The following PPL variants were observed in gnomAD, a reference collection of about 807,000 sequenced individuals.
PPL encodes the protein 190 kDa paraneoplastic pemphigus antigen.
A neutral mutation model predicts 194.4 loss-of-function variants in PPL; 198 were observed. The observed-to-expected ratio is 1.02, with a 90% CI of 0.91 to 1.15. PPL has a LOEUF of 1.15. Among genes scored for constraint, PPL ranks in the 50% most tolerant of loss-of-function variants. PPL has a pLI of 0.00. For synonymous variants in PPL, 1,220 were observed against 972.4 expected (o/e 1.25, Z -4.74); for missense variants, 2,885 against 2,294.8 (o/e 1.26, Z -5.25).
intron 14 of PPL, 196 bp downstream of exon 14, chr16:4,893,017 C>T (rs1048422981): frequency 1.6e-6 from 1 of 629,166 alleles, no homozygotes; most frequent in Non-Finnish European, 2.5e-6. Flanking sequence ...CCTGCCAGCT[C>T]TTTCTCCTGG....
At chr16:4,903,101 T>G (rs1412558453) in intron 3 of PPL, among the ~76,000 whole-genome samples, 1 of 152,194 alleles carries the variant, frequency 6.6e-6, no homozygotes, top group Non-Finnish European at 1.5e-5. Flanking sequence ...TTCTGGAGTC[T>G]GCCATCCAGC....
At chr16:4,927,619 A>G (rs2089176052) in intron 1 of PPL, among the ~76,000 whole-genome samples, 2 of 152,388 alleles carry the variant, frequency 1.3e-5, no homozygotes, top group South Asian at 4.1e-4. Context: ...TGGTCAATTG[A>G]CTGATTCTCT....
chr16:4,908,491 T>C (rs2088749988), intron 2 of PPL, among the ~76,000 whole-genome samples: 1 of 152,020 alleles, frequency 6.6e-6, no homozygotes. Flanking sequence ...AATATGTTAA[T>C]AGTCAGTAGA....
At position 4,895,354 on chromosome 16, in the gene PPL, C is replaced by CT. The variant is rs762320957; in HGVS notation, c.1148dup (p.Arg384AlafsTer26). 1 of 1,613,476 alleles carries CT rather than the reference C, an allele frequency of 6.2e-7. No homozygotes were observed. The highest frequency in any genetic ancestry group is 2.2e-5 in the East Asian group (1 of 44,884). ...TGAGGGGCACCACCTGCTGGCCTCG[C>CT]TTCTGCAGCCCCTGCACCACGTCCT... On this transcript the variant is annotated frameshift_variant, in exon 11 of 22. Transcript: ENST00000345988. LOFTEE classifies it high-confidence loss of function.
At chr16:4,888,656 G>C (rs1596545201) in intron 19 of PPL, 1 of 375,042 alleles carries the variant, frequency 2.7e-6, no homozygotes, top group East Asian at 4.4e-5. Context: ...GTCCTTTCCA[G>C]CGTACTAGTT....
In PPL at chr16:4,886,035, C is replaced by T. The variant is rs2088214648; in HGVS notation, c.2620G>A (p.Glu874Lys). 6.2e-7 allele frequency: 1 copy of T among 1,614,004 alleles called. No homozygotes were observed. The highest frequency in any genetic ancestry group is 8.5e-7 in the Non-Finnish European group (1 of 1,180,038). Reference protein sequence around the residue: ...LNLLRQQPEVEVTHETLQRNR... With the variant: ...LNLLRQQPEVKVTHETLQRNR... ...CTTTGCAGGGTCTCATGGGTCACTT[C>T]TACTTCCGGCTGCTGTGATGGAGAA... Residue 874 changes from glutamate (E) to lysine (K), a missense_variant, in exon 22 of 22, where the codon GAA (glutamate) becomes AAA (lysine). Coordinates refer to ENST00000345988, the MANE Select transcript of PPL (RefSeq NM_002705.5).
Position 4,903,982 on chromosome 16 carries a change from T to G in PPL, c.221A>C (p.Lys74Thr), listed in dbSNP as rs773091381. Residue 74 changes from lysine (K) to threonine (T), a missense_variant, in exon 3 of 22, where the codon AAG (lysine) becomes ACG (threonine). Physicochemically the swap from Lys to Thr is moderately conservative, Grantham distance 78 (BLOSUM62 -1). Transcript: ENST00000345988. The part of the protein sequence containing the change: ...QPEHRDVTLQ[K>T]VLDSEKLLYV... ...GAGCAGCTTCTCAGAGTCCAACACC[T>G]TCTGCAGGGTCACGTCCCGGTGCTC... is the stretch of plus-strand genomic sequence containing the variant. 3 of 1,613,790 alleles carry G rather than the reference T, an allele frequency of 1.9e-6. No individual in the cohort carries two copies. The South Asian group carries it at 3.3e-5, about 18-fold the overall frequency.
intron 17 of PPL, 23 bp from the exon 18 acceptor site, chr16:4,890,357 C>G: frequency 1.9e-6 from 3 of 1,577,446 alleles, no homozygotes; most frequent in Non-Finnish European, 2.6e-6. Context: ...AGCGTTCAGG[C>G]CTCAGCCACA....
intron 1 of PPL, among the ~76,000 whole-genome samples, chr16:4,925,153 A>G (rs1596586902): frequency 6.6e-6 from 1 of 152,152 alleles, no homozygotes; most frequent in Non-Finnish European, 1.5e-5. Flanking sequence ...CCTCCCTGGA[A>G]CCAGCCTCAC....
Position 4,883,577 on chromosome 16 carries a change from C to T in PPL, c.5078G>A (p.Cys1693Tyr). ...NMFVKLRSQE[C>Y]DWEEISVKGP... ...CTTCACTGAGATCTCCTCCCAGTCG[C>T]ACTCCTGGCTTCTGAGTTTCACGAA... Residue 1693 changes from cysteine (C) to tyrosine (Y), a missense_variant, in exon 22 of 22, where the codon TGC (cysteine) becomes TAC (tyrosine). Coordinates refer to ENST00000345988, the MANE Select transcript of PPL (RefSeq NM_002705.5). The surrounding 1 kb of genome is among the most constrained non-coding windows in gnomAD (Gnocchi z 4.8). The T allele has an allele frequency of 1.2e-6, 2 of 1,614,192 alleles. No homozygotes were observed. Among genetic ancestry groups the T allele is most frequent in the Non-Finnish European group, 1.7e-6 (2 of 1,180,016 alleles).
chr16:4,920,869 C>T (rs1388649789), intron 1 of PPL, among the ~76,000 whole-genome samples: 1 of 152,172 alleles, frequency 6.6e-6, no homozygotes, highest in Non-Finnish European at 1.5e-5. Context: ...TCCTAAAGTA[C>T]AGGGATTACA....
In PPL at chr16:4,884,271, G is replaced by C; in HGVS notation, c.4384C>G (p.Leu1462Val). ...TGCTCTTCTTCCAGCTGGAGTCGGA[G>C]CAGGGCATGCTCTCGCGCCTGCTGC... ...DPQQAREHAL[L>V]RLQLEEEQHR... Residue 1462 changes from leucine to valine, a missense_variant, in exon 22 of 22, where the codon CTC (leucine) becomes GTC (valine). Coordinates refer to ENST00000345988, the MANE Select transcript of PPL (RefSeq NM_002705.5). The surrounding 1 kb of genome is among the most constrained non-coding windows in gnomAD (Gnocchi z 5.7). The C allele has an allele frequency of 6.2e-7, 1 of 1,613,048 alleles. No individual in the cohort carries two copies. Among genetic ancestry groups the C allele is most frequent in the Non-Finnish European group, 8.5e-7 (1 of 1,179,740 alleles).
intron 12 of PPL, 32 bp downstream of exon 12, chr16:4,894,435 G>C: frequency 1.9e-6 from 3 of 1,611,796 alleles, no homozygotes; most frequent in East Asian, 2.2e-5. Context: ...GGTGGGACTG[G>C]TCCATGCAGA....
chr16:4,911,215 G>A (rs2088814891), intron 1 of PPL, among the ~76,000 whole-genome samples: 1 of 130,682 alleles, frequency 7.7e-6, no homozygotes, highest in African/African-American at 2.9e-5. Flanking sequence ...AGGCTAAAGT[G>A]CAGTGGCGTG....
chr16:4,903,440 A>ATGTGTAATCCCAGCACTT (rs570122391), intron 3 of PPL, among the ~76,000 whole-genome samples: 1 of 152,048 alleles, frequency 6.6e-6, no homozygotes, highest in Non-Finnish European at 1.5e-5. Flanking sequence ...GGTGGCTCAC[A>ATGTGTAATCCCAGCACTT]TGTGTAATCC....
intron 1 of PPL, among the ~76,000 whole-genome samples, chr16:4,913,533 C>A (rs1455730868): frequency 1.3e-5 from 2 of 152,150 alleles, no homozygotes; most frequent in African/African-American, 4.8e-5. Flanking sequence ...TAGAGATCAC[C>A]CAGCTCTGCC....
Position 4,902,809 on chromosome 16 carries a change from C to G in PPL, c.318-283G>C, listed in dbSNP as rs1051132135. Among the ~76,000 whole-genome samples the G allele has an allele frequency of 3.9e-5, 6 of 152,170 alleles. No individual in the cohort carries two copies. Among genetic ancestry groups the G allele is most frequent in the African/African-American group, 1.4e-4 (6 of 41,444 alleles). On this transcript the variant is annotated intron_variant, in intron 3 of 21. Transcript: ENST00000345988. The surrounding 1 kb of genome is among the most constrained non-coding windows in gnomAD (Gnocchi z 4.0). Reference sequence around the variant, plus strand: ...GGTTCAAGCAATTCTCCTGCCTCAACCTCCCGAGTAGCTGGGATTACAGGC... The same window carrying G: ...GGTTCAAGCAATTCTCCTGCCTCAAGCTCCCGAGTAGCTGGGATTACAGGC...
rs772519097 is a variant in PPL at position 4,890,183 on chromosome 16, CCTT to C, written c.2311_2313del (p.Lys771del). 3 of 1,614,150 alleles carry C rather than the reference CCTT, an allele frequency of 1.9e-6. No individual in the cohort carries two copies. Among genetic ancestry groups the C allele is most frequent in the Middle Eastern group, 1.7e-4 (1 of 6,022 alleles). On this transcript the variant is annotated inframe_deletion and splice_region_variant, in exon 18 of 22. Transcript: ENST00000345988. Reference sequence around the variant, plus strand: ...TGGGGCTGCGGAAACGGCCATCTCACCTTCTGGTTCTTCAGCTTGGTCTCCATC... The same window carrying C: ...TGGGGCTGCGGAAACGGCCATCTCACCTGGTTCTTCAGCTTGGTCTCCATC...
chr16:4,912,059 T>C (rs1049122751), intron 1 of PPL, among the ~76,000 whole-genome samples: 1 of 152,240 alleles, frequency 6.6e-6, no homozygotes, highest in Non-Finnish European at 1.5e-5. Context: ...AATTGGGAGA[T>C]AACTCACATA....
Sources: gnomAD v4.1 joint callset for allele counts (sites outside exome capture counted in the v4.1 genomes callset) on GRCh38, gnomAD v4.1.1 for gene constraint, Gnocchi (gnomAD v3.1) non-coding constraint, MANE v1.5 for transcripts, NCBI Gene and HGNC (gene_info 2026-07-23, HGNC 2026-07-21) for gene names.